The following RGS5 variants were observed in gnomAD, a reference collection of about 807,000 sequenced individuals.
The protein encoded by RGS5 is regulator of G protein signaling 5, also known as regulator of G-protein signalling 5.
A neutral mutation model predicts 18.9 loss-of-function variants in RGS5; 20 were observed. That is an observed-to-expected ratio of 1.06 (90% CI 0.74 to 1.54). The LOEUF (loss-of-function observed/expected upper bound fraction) is 1.54, where lower values mean the gene tolerates loss of function less well. Ranked by LOEUF, RGS5 falls within the 40% of genes most tolerant of loss-of-function variation. The pLI is 0.00. For synonymous variants in RGS5, 57 were observed against 76.2 expected (o/e 0.75, Z 1.31); for missense variants, 201 against 211.8 (o/e 0.95, Z 0.32).
chr1:163,205,775 C>T (rs1659941307), upstream of RGS5, among the ~76,000 whole-genome samples: 5 of 152,180 alleles, frequency 3.3e-5, 1 homozygote, highest in Admixed American at 2.0e-4. Flanking sequence ...AAAGGATCTC[C>T]TGCCCACACA....
intron 2 of RGS5, among the ~76,000 whole-genome samples, chr1:163,283,570 G>A (rs898709284): frequency 2.0e-5 from 3 of 152,126 alleles, no homozygotes; most frequent in Admixed American, 2.0e-4. Flanking sequence ...CTCCGTGAGT[G>A]TATGTAGAAT....
rs527760769 is a variant in RGS5, at chr1:163,245,478, C to A, written c.-281+60755G>T. Among the ~76,000 whole-genome samples the A allele has an allele frequency of 7.9e-5, 12 of 152,330 alleles. No individual in the cohort carries two copies. The South Asian group carries it at 2.1e-3, about 26-fold the overall frequency. ...GCTTCTAAAACTTTAGCATTGACAT[C>A]ATTTTGCTTTCATAAATATCTGATT... On this transcript the variant is annotated intron_variant, in intron 2 of 5. Coordinates refer to the RGS5 transcript ENST00000618415.
intron 2 of RGS5, chr1:163,266,671 T>A (rs1648579989): frequency 6.6e-6 from 1 of 152,186 alleles, no homozygotes; most frequent in Non-Finnish European, 1.5e-5. Flanking sequence ...CTCAGCTTCC[T>A]CAGGTAGAAT....
intron 2 of RGS5, among the ~76,000 whole-genome samples, chr1:163,270,208 T>C (rs1276462957): frequency 6.6e-6 from 1 of 152,040 alleles, no homozygotes; most frequent in Non-Finnish European, 1.5e-5. Flanking sequence ...GTTCTTTTTC[T>C]TTGCCTGAAG....
chr1:163,246,077 C>T (rs568226637), intron 2 of RGS5, among the ~76,000 whole-genome samples: 13 of 151,690 alleles, frequency 8.6e-5, no homozygotes, highest in Non-Finnish European at 1.3e-4. Flanking sequence ...ATTAGCCAGG[C>T]GTGGTGGCGG....
chr1:163,233,991 A>C (rs1647553079), intron 2 of RGS5, among the ~76,000 whole-genome samples: 1 of 152,208 alleles, frequency 6.6e-6, no homozygotes, highest in Non-Finnish European at 1.5e-5. Flanking sequence ...GTATACGTGC[A>C]GGTCACAGGG....
intron 2 of RGS5, among the ~76,000 whole-genome samples, chr1:163,243,475 G>A (rs1320744990): frequency 1.3e-5 from 2 of 151,704 alleles, no homozygotes; most frequent in African/African-American, 4.8e-5. Flanking sequence ...GTGAAACCCT[G>A]TCTCTACTAA....
intron 2 of RGS5, among the ~76,000 whole-genome samples, chr1:163,266,046 G>A (rs1467203771): frequency 6.6e-6 from 1 of 152,108 alleles, no homozygotes. Flanking sequence ...GGTGGAGGCT[G>A]CAACAGTCTC....
chr1:163,246,297 G>A (rs1571316375), intron 2 of RGS5, among the ~76,000 whole-genome samples: 1 of 151,166 alleles, frequency 6.6e-6, no homozygotes, highest in Non-Finnish European at 1.5e-5. Flanking sequence ...AGGGCCAGGC[G>A]TGGTGCCTCA....
At chr1:163,169,240 A>G (rs1658195426) in intron 1 of RGS5, among the ~76,000 whole-genome samples, 1 of 151,734 alleles carries the variant, frequency 6.6e-6, no homozygotes, top group Non-Finnish European at 1.5e-5. Flanking sequence ...TATGTGCCAC[A>G]TTTTCTTAAT....
chr1:163,271,682 C>T (rs551694499), intron 2 of RGS5, among the ~76,000 whole-genome samples: 1 of 152,310 alleles, frequency 6.6e-6, no homozygotes, highest in South Asian at 2.1e-4. Context: ...ACATGTTAAT[C>T]ACTCACCAGT....
intron 2 of RGS5, among the ~76,000 whole-genome samples, chr1:163,247,080 A>G (rs990274384): frequency 1.3e-5 from 2 of 152,178 alleles, no homozygotes; most frequent in Admixed American, 6.5e-5. Context: ...AGGGCCTACT[A>G]GAGGGTGAAA....
intron 1 of RGS5, among the ~76,000 whole-genome samples, chr1:163,178,519 C>T (rs1571246753): frequency 6.6e-6 from 1 of 152,092 alleles, no homozygotes; most frequent in Non-Finnish European, 1.5e-5. Flanking sequence ...CAATGTAGTA[C>T]GCCTAATGAG....
chr1:163,320,708 G>A (rs538539902), intron 1 of RGS5, among the ~76,000 whole-genome samples: 40 of 151,878 alleles, frequency 2.6e-4, no homozygotes, highest in African/African-American at 8.9e-4. Context: ...ACTAGATTCC[G>A]ACTTTGAGAC....
At chr1:163,310,181 A>T (rs1229896236) in intron 1 of RGS5, among the ~76,000 whole-genome samples, 1 of 152,214 alleles carries the variant, frequency 6.6e-6, no homozygotes, top group Non-Finnish European at 1.5e-5. Context: ...CAGAATGGTC[A>T]GTGAGCACTG....
At chr1:163,160,837 A>C (rs979629826) in intron 3 of RGS5, among the ~76,000 whole-genome samples, 1 of 152,104 alleles carries the variant, frequency 6.6e-6, no homozygotes, top group South Asian at 2.1e-4. Flanking sequence ...TTTTAAATTG[A>C]CTCATACTTT....
chr1:163,282,006 G>A (rs149315024), intron 2 of RGS5, among the ~76,000 whole-genome samples: 8 of 151,836 alleles, frequency 5.3e-5, no homozygotes, highest in African/African-American at 1.4e-4. Flanking sequence ...ATTGTTGTAG[G>A]CAAAGATATT....
At chr1:163,152,105 G>C (rs1306141906) in intron 4 of RGS5, among the ~76,000 whole-genome samples, 1 of 152,122 alleles carries the variant, frequency 6.6e-6, no homozygotes, top group Non-Finnish European at 1.5e-5. Context: ...GCATCATGGT[G>C]CTGAAAAAGT....
intron 1 of RGS5, among the ~76,000 whole-genome samples, chr1:163,170,369 A>G (rs4501819): frequency 1.5e-4 from 23 of 152,176 alleles, no homozygotes; most frequent in Non-Finnish European, 2.9e-4. Flanking sequence ...AAATATCTTG[A>G]TTTTGTTCTT....
Sources: gnomAD v4.1 joint callset for allele counts (sites outside exome capture counted in the v4.1 genomes callset) on GRCh38, gnomAD v4.1.1 for gene constraint, MANE v1.5 for transcripts, NCBI Gene and HGNC (gene_info 2026-07-23, HGNC 2026-07-21) for gene names.